NUP107: variants seen among roughly 807,000 people sequenced by gnomAD.
The protein encoded by NUP107 is nucleoporin 107.
A neutral mutation model predicts 141.0 loss-of-function variants in NUP107; 101 were observed. That is an observed-to-expected ratio of 0.72 (90% CI 0.61 to 0.84). NUP107 has a LOEUF of 0.84. NUP107 is among the 40% of genes least tolerant of loss of function. The pLI, the probability that NUP107 is intolerant of heterozygous loss-of-function variation, is 0.00. For synonymous variants in NUP107, 319 were observed against 363.9 expected, an observed-to-expected ratio of 0.88 and a Z score of 1.41; for missense variants, 941 against 1,102.7, an observed-to-expected ratio of 0.85 and a Z score of 2.08.
At position 68,700,957 on chromosome 12, in the gene NUP107, C is replaced by T. The variant is rs1264366122; in HGVS notation, c.680+104C>T. 2.6e-6 allele frequency: 3 copies of T among 1,169,904 alleles called. No homozygotes were observed. In the African/African-American group the frequency reaches 4.7e-5, roughly 18 times the overall value. The allele number at this position is 1,169,904 out of a possible 1,614,324, so 72.5% of individuals were successfully genotyped here. On this transcript the variant is annotated intron_variant, in intron 7 of 27. Coordinates refer to ENST00000229179, the MANE Select transcript of NUP107 (RefSeq NM_020401.4). Reference sequence around the variant, plus strand: ...AGGTCGTGCTTGGAAATAGGTTTTGCTATTTTTGATGCTTATCATTTCGAA... The same window carrying T: ...AGGTCGTGCTTGGAAATAGGTTTTGTTATTTTTGATGCTTATCATTTCGAA...
At chr12:68,689,502 C>T (rs755368688) in intron 2 of NUP107, 31 bp from the exon 3 acceptor site, 22 of 1,263,742 alleles carry the variant, frequency 1.7e-5, no homozygotes, top group Non-Finnish European at 2.1e-5. Flanking sequence ...CTCTTTTCTA[C>T]ATGGAAAACT....
intron 12 of NUP107, among the ~76,000 whole-genome samples, chr12:68,716,422 A>G (rs926104414): frequency 6.7e-6 from 1 of 148,748 alleles, no homozygotes; most frequent in Non-Finnish European, 1.5e-5. Context: ...GTACAGACGG[A>G]GTCTTACTAT....
chr12:68,716,512 T>A (rs1400973565), intron 12 of NUP107, among the ~76,000 whole-genome samples: 1 of 152,170 alleles, frequency 6.6e-6, no homozygotes, highest in Non-Finnish European at 1.5e-5. Context: ...ATTGCAGGCA[T>A]GAGCCACTGC....
chr12:68,722,896 CAT>C (rs1481976203), intron 17 of NUP107, among the ~76,000 whole-genome samples: 2 of 152,114 alleles, frequency 1.3e-5, no homozygotes, highest in Admixed American at 1.3e-4. Context: ...AATGAAGTTA[CAT>C]GTGTGTGTAC....
At chr12:68,734,307 AT>A (rs1216309833) in intron 24 of NUP107, among the ~76,000 whole-genome samples, 1 of 152,116 alleles carries the variant, frequency 6.6e-6, no homozygotes, top group Non-Finnish European at 1.5e-5. Flanking sequence ...CAAAAAAAAA[AT>A]TTTATTCAAT....
rs769147973 is a variant in NUP107, at chr12:68,719,606, T to C, written c.1203T>C (p.Asn401=). The C allele has an allele frequency of 6.2e-7, 1 of 1,613,352 alleles. No homozygotes were observed. Among genetic ancestry groups the C allele is most frequent in the South Asian group, 1.1e-5 (1 of 91,038 alleles). ...GGTELEPVEG[N]PYRRIWKISC... ...CAGAATTAGAACCTGTTGAAGGGAA[T>C]CCATATAGACGCATTTGGAAAATAA... The change falls in exon 14 of 28, where the codon AAT becomes AAC. Residue 401 remains asparagine, a synonymous_variant. Coordinates refer to ENST00000229179, the MANE Select transcript of NUP107 (RefSeq NM_020401.4).
At chr12:68,717,600 C>T (rs1877168690) in intron 12 of NUP107, among the ~76,000 whole-genome samples, 1 of 152,148 alleles carries the variant, frequency 6.6e-6, no homozygotes, top group Non-Finnish European at 1.5e-5. Flanking sequence ...ACCATCACCA[C>T]TGTCTGTTTC....
chr12:68,719,146 C>G (rs937289492), intron 12 of NUP107, among the ~76,000 whole-genome samples, 195 bp from the exon 13 acceptor site: 1 of 152,176 alleles, frequency 6.6e-6, no homozygotes, highest in Non-Finnish European at 1.5e-5. Context: ...GCCTTGGCCT[C>G]CCAAAGTGTT....
chr12:68,696,791 T>C (rs1171579023), intron 5 of NUP107, 28 bp from the exon 6 acceptor site: 5 of 1,118,756 alleles, frequency 4.5e-6, no homozygotes, highest in Admixed American at 2.4e-5. Context: ...TTTTCTTTAT[T>C]CCTTTTTTTT....
At chr12:68,701,950 C>A (rs183372081) in intron 7 of NUP107, among the ~76,000 whole-genome samples, 67 of 151,774 alleles carry the variant, frequency 4.4e-4, no homozygotes, top group African/African-American at 1.6e-3. Context: ...GCTGGTATTA[C>A]AGATGCTGGC....
intron 12 of NUP107, 21 bp from the exon 13 acceptor site, chr12:68,719,320 T>C: frequency 1.9e-6 from 3 of 1,598,004 alleles, no homozygotes; most frequent in Non-Finnish European, 2.6e-6. Flanking sequence ...TTGGACTGAC[T>C]GCTCTTTCTT....
chr12:68,738,441 A>G (rs1592525541), intron 26 of NUP107, among the ~76,000 whole-genome samples: 1 of 139,466 alleles, frequency 7.2e-6, no homozygotes, highest in African/African-American at 2.7e-5. Context: ...ACAAAGGGAG[A>G]CTCCGTCTCA....
intron 9 of NUP107, among the ~76,000 whole-genome samples, chr12:68,709,703 C>T (rs1876755641): frequency 6.6e-6 from 1 of 151,646 alleles, no homozygotes; most frequent in African/African-American, 2.4e-5. Flanking sequence ...ATCTGGCTAA[C>T]AGTGAAACCC....
At chr12:68,713,860 T>C in intron 11 of NUP107, 52 bp downstream of exon 11, 1 of 1,452,210 alleles carries the variant, frequency 6.9e-7, no homozygotes, top group Non-Finnish European at 9.5e-7. Context: ...GATTTTTTTT[T>C]TCAGGCTGAG....
intron 6 of NUP107, among the ~76,000 whole-genome samples, chr12:68,699,005 T>C (rs191625944): frequency 1.9e-3 from 282 of 152,222 alleles, no homozygotes; most frequent in Non-Finnish European, 2.5e-3. Flanking sequence ...TAGATATTGA[T>C]GGTGAGGGAG....
intron 8 of NUP107, among the ~76,000 whole-genome samples, chr12:68,707,757 T>C (rs1439198497): frequency 6.6e-6 from 1 of 152,230 alleles, no homozygotes; most frequent in Non-Finnish European, 1.5e-5. Context: ...TGTTGTTCAT[T>C]ATTTTTTTAT....
intron 26 of NUP107, among the ~76,000 whole-genome samples, chr12:68,739,025 C>T (rs1459838707): frequency 6.6e-6 from 1 of 152,016 alleles, no homozygotes; most frequent in Non-Finnish European, 1.5e-5. Flanking sequence ...ATCACTATAT[C>T]CTGGCATTCT....
At chr12:68,691,916 G>T in intron 4 of NUP107, 52 bp from the exon 5 acceptor site, 3 of 1,454,252 alleles carry the variant, frequency 2.1e-6, no homozygotes, top group South Asian at 2.7e-5. Flanking sequence ...TCCACTCAGT[G>T]ACAATAACTC....
At chr12:68,726,250 A>G (rs1877559654) in intron 18 of NUP107, among the ~76,000 whole-genome samples, 1 of 152,134 alleles carries the variant, frequency 6.6e-6, no homozygotes, top group Non-Finnish European at 1.5e-5. Flanking sequence ...AATCTTGATA[A>G]ATATTAACCT....
Sources: gnomAD v4.1 joint callset for allele counts (sites outside exome capture counted in the v4.1 genomes callset) on GRCh38, gnomAD v4.1.1 for gene constraint, MANE v1.5 for transcripts, NCBI Gene and HGNC (gene_info 2026-07-23, HGNC 2026-07-21) for gene names.